POU1F1: variants seen among roughly 807,000 people sequenced by gnomAD.
POU1F1 encodes the protein pituitary-specific positive transcription factor 1.
POU1F1 carries 23 observed loss-of-function variants against 32.3 expected under a neutral mutation model. The observed-to-expected ratio is 0.71, with a 90% CI of 0.51 to 1.01. The LOEUF is 1.01. Ranked by LOEUF, POU1F1 falls within the 50% of genes least tolerant of loss-of-function variation. The pLI is 0.00. For synonymous variants in POU1F1, 120 were observed against 115.6 expected (o/e 1.04, Z -0.25); for missense variants, 323 against 341.6 (o/e 0.95, Z 0.43).
intron 3 of POU1F1, among the ~76,000 whole-genome samples, chr3:87,262,783 G>C (rs971140277): frequency 4.6e-5 from 7 of 151,972 alleles, no homozygotes; most frequent in African/African-American, 1.7e-4. Context: ...GTATACTTCT[G>C]AGCCCATTTT....
In POU1F1 at chr3:87,273,513, T is replaced by C. The variant is rs764568615; in HGVS notation, c.143-95A>G. ...TAGATGGGACTGGTAAGAAAATGTATAAGGATTCAAGACACATTCGTTTTA... is the reference window on the plus strand; with the variant it reads ...TAGATGGGACTGGTAAGAAAATGTACAAGGATTCAAGACACATTCGTTTTA... On this transcript the variant is annotated intron_variant, in intron 1 of 5. Transcript: ENST00000350375. 9 of 1,574,240 alleles carry C rather than the reference T, an allele frequency of 5.7e-6. No individual in the cohort carries two copies. The East Asian group carries it at 1.8e-4, about 32-fold the overall frequency.
intron 2 of POU1F1, among the ~76,000 whole-genome samples, chr3:87,265,664 C>T (rs536802117): frequency 1.5e-4 from 23 of 151,866 alleles, no homozygotes; most frequent in Non-Finnish European, 1.5e-4. Context: ...AAAATAACAA[C>T]ACAAGAATAA....
Position 87,262,208 on chromosome 3 carries a change from G to T in POU1F1, c.467C>A (p.Ala156Asp). The T allele has an allele frequency of 6.2e-7, 1 of 1,614,062 alleles. No individual in the cohort carries two copies. The highest frequency in any genetic ancestry group is 2.2e-5 in the East Asian group (1 of 44,868). ...TTCAGAGCCATGCACAGCTGCCAGG[G>T]CCTCCCCAACATTTGTCTGGGTGTA... ...LGYTQTNVGEALAAVHGSEFS... is the reference protein window; with the variant it reads ...LGYTQTNVGEDLAAVHGSEFS... The change falls in exon 4 of 6, where the codon GCC becomes GAC. Residue 156 changes from alanine (A) to aspartate (D), a missense_variant. Ala to Asp is a moderately radical substitution (Grantham distance 126). Coordinates refer to ENST00000350375, the MANE Select transcript of POU1F1 (RefSeq NM_000306.4).
intron 5 of POU1F1, among the ~76,000 whole-genome samples, chr3:87,260,875 TA>T (rs1706498839): frequency 2.4e-4 from 1 of 4,202 alleles, no homozygotes; most frequent in African/African-American, 1.2e-3. Context: ...ATTTTTTTTT[TA>T]TTTATTTATT....
At chr3:87,262,291 G>C (rs1378271804) in intron 3 of POU1F1, 56 bp from the exon 4 acceptor site, 41 of 1,598,998 alleles carry the variant, frequency 2.6e-5, no homozygotes, top group Non-Finnish European at 3.5e-5. Flanking sequence ...TGTTAATTTT[G>C]GTTCATTGTC....
rs772390221 is a variant in POU1F1, at chr3:87,261,295, TTTTCC to T, written c.638_642del (p.Arg213LysfsTer12). ...TACCTTATAGTTGTTCTTCGTTTTC[TTTTCC>T]TTTCATTTGCTCCCACTTTTTCATT... On this transcript the variant is annotated frameshift_variant, in exon 5 of 6. Transcript: ENST00000350375. LOFTEE classifies it high-confidence loss of function. 1.3e-6 allele frequency: 2 copies of T among 1,589,026 alleles called. No homozygotes were observed. Among genetic ancestry groups the T allele is most frequent in the Non-Finnish European group, 8.6e-7 (1 of 1,162,298 alleles).
At chr3:87,260,690 A>G (rs1031643559) in intron 5 of POU1F1, among the ~76,000 whole-genome samples, 1 of 152,160 alleles carries the variant, frequency 6.6e-6, no homozygotes, top group Non-Finnish European at 1.5e-5. Context: ...GCAATAAGTT[A>G]TAGCTAAAAG....
At chr3:87,273,944 C>A (rs533776247) in intron 1 of POU1F1, among the ~76,000 whole-genome samples, 1 of 152,250 alleles carries the variant, frequency 6.6e-6, no homozygotes, top group South Asian at 2.1e-4. Flanking sequence ...AAATTTGTTT[C>A]ATCAAAGTGG....
In POU1F1 at chr3:87,259,841, G is replaced by A; in HGVS notation, c.*53C>T. 6.9e-7 allele frequency: 1 copy of A among 1,459,408 alleles called. No homozygotes were observed. Among genetic ancestry groups the A allele is most frequent in the Non-Finnish European group, 9.6e-7 (1 of 1,043,648 alleles). The allele number at this position is 1,459,408 out of a possible 1,614,324, so 90.4% of individuals were successfully genotyped here. A position where few individuals can be genotyped will look rare whatever the true frequency, so the allele number is the denominator to read the frequency against. On this transcript the variant is annotated 3_prime_UTR_variant, in exon 6 of 6. Coordinates refer to ENST00000350375, the MANE Select transcript of POU1F1 (RefSeq NM_000306.4). ...ACCAAGTAATTTCTGTTTTTGTTGAGGAAGAGAAAGGAATGAAACGGGAGA... is the reference window on the plus strand; with the variant it reads ...ACCAAGTAATTTCTGTTTTTGTTGAAGAAGAGAAAGGAATGAAACGGGAGA...
chr3:87,265,052 A>G (rs924588917), intron 2 of POU1F1, among the ~76,000 whole-genome samples: 6 of 152,168 alleles, frequency 3.9e-5, no homozygotes, highest in African/African-American at 1.4e-4. Flanking sequence ...ACTTGATTTT[A>G]TTAAGAAATA....
intron 2 of POU1F1, among the ~76,000 whole-genome samples, chr3:87,271,261 T>A (rs972958013): frequency 6.6e-6 from 1 of 152,140 alleles, no homozygotes; most frequent in African/African-American, 2.4e-5. Context: ...ACACTCTCAA[T>A]GTGAACATTG....
chr3:87,274,303 A>G (rs1292778234), intron 1 of POU1F1, among the ~76,000 whole-genome samples: 3 of 152,140 alleles, frequency 2.0e-5, no homozygotes, highest in Non-Finnish European at 1.5e-5. Flanking sequence ...TCAAGTTGAT[A>G]GGGAGCACAA....
chr3:87,261,249 A>G lies in POU1F1; in HGVS notation c.665+24T>C, dbSNP rs575910906. On this transcript the variant is annotated intron_variant, in intron 5 of 5. Coordinates refer to ENST00000350375, the MANE Select transcript of POU1F1 (RefSeq NM_000306.4). ...TTATAAAATACCAGTTTTGTCCTCT[A>G]GTAACTTTTAATATAAAGAATACCT... 8.1e-6 allele frequency: 12 copies of G among 1,482,872 alleles called. No individual in the cohort carries two copies. The South Asian group carries it at 1.3e-4, about 16-fold the overall frequency. 91.9% of individuals were successfully genotyped at this position (1,482,872 alleles called of 1,614,324 possible). A position where few individuals can be genotyped will look rare whatever the true frequency, so the allele number is the denominator to read the frequency against.
chr3:87,268,181 C>T (rs1471829117), intron 2 of POU1F1, among the ~76,000 whole-genome samples: 1 of 147,450 alleles, frequency 6.8e-6, no homozygotes, highest in East Asian at 2.0e-4. Flanking sequence ...TAGCTTCAAG[C>T]AATTCTCCTG....
intron 1 of POU1F1, among the ~76,000 whole-genome samples, chr3:87,273,681 G>A (rs946633028): frequency 1.1e-4 from 17 of 152,192 alleles, no homozygotes; most frequent in Admixed American, 1.0e-3. Flanking sequence ...TCATCAAAAC[G>A]GACTTCATTA....
intron 3 of POU1F1, among the ~76,000 whole-genome samples, chr3:87,262,848 A>G (rs1706538434): frequency 6.6e-6 from 1 of 152,136 alleles, no homozygotes; most frequent in Non-Finnish European, 1.5e-5. Flanking sequence ...TGTTTGTCGC[A>G]AACATTTTTA....
chr3:87,266,637 A>T (rs1706626892), intron 2 of POU1F1, among the ~76,000 whole-genome samples: 1 of 151,658 alleles, frequency 6.6e-6, no homozygotes, highest in Non-Finnish European at 1.5e-5. Flanking sequence ...ATTGTGTGGC[A>T]TCTTGATCAG....
rs1208913291 is a variant in POU1F1, at chr3:87,276,302, C to T, written c.142+19G>A. Reference sequence around the variant, plus strand: ...ATATTTAGGCCCGGTCATATGTAAACTGTCATAGGAGTCAGTACCTGTAGA... The same window carrying T: ...ATATTTAGGCCCGGTCATATGTAAATTGTCATAGGAGTCAGTACCTGTAGA... On this transcript the variant is annotated intron_variant, in intron 1 of 5. Coordinates refer to ENST00000350375, the MANE Select transcript of POU1F1 (RefSeq NM_000306.4). The T allele has an allele frequency of 6.2e-7, 1 of 1,612,228 alleles. No individual in the cohort carries two copies. Among genetic ancestry groups the T allele is most frequent in the Non-Finnish European group, 8.5e-7 (1 of 1,178,428 alleles).
Position 87,260,038 on chromosome 3 carries a change from G to A in POU1F1, c.732C>T (p.Ile244=). ...GATTCAGTTCTTCAGCCATCCTCATGATCTCTTGAGAAGAAGGTTTATTCT... is the reference window on the plus strand; with the variant it reads ...GATTCAGTTCTTCAGCCATCCTCATAATCTCTTGAGAAGAAGGTTTATTCT... ...GEQNKPSSQE[I]MRMAEELNLE... is the part of the protein sequence containing the mutation. The change falls in exon 6 of 6, where the codon ATC becomes ATT. Residue 244 remains isoleucine, a synonymous_variant. Coordinates refer to ENST00000350375, the MANE Select transcript of POU1F1 (RefSeq NM_000306.4). 1 of 1,613,982 alleles carries A rather than the reference G, an allele frequency of 6.2e-7. No homozygotes were observed. The highest frequency in any genetic ancestry group is 1.1e-5 in the South Asian group (1 of 91,076).
Sources: gnomAD v4.1 joint callset for allele counts (sites outside exome capture counted in the v4.1 genomes callset) on GRCh38, gnomAD v4.1.1 for gene constraint, MANE v1.5 for transcripts, NCBI Gene and HGNC (gene_info 2026-07-23, HGNC 2026-07-21) for gene names.